The following LMO7 variants were observed in gnomAD, a reference collection of about 807,000 sequenced individuals.
LMO7 encodes LIM domain only protein 7.
A neutral mutation model predicts 206.5 loss-of-function variants in LMO7; 120 were observed. The ratio of observed to expected loss-of-function variants is 0.58; its 90% confidence interval spans 0.50 to 0.68. The LOEUF is 0.68. Among genes scored for constraint, LMO7 ranks in the 30% least tolerant of loss-of-function variants. The pLI is 0.00. For missense variants in LMO7, 1,959 were observed against 1,957.9 expected, an observed-to-expected ratio of 1.00 and a Z score of -0.01; for synonymous variants, 706 against 681.5, an observed-to-expected ratio of 1.04 and a Z score of -0.56.
At position 75,845,311 on chromosome 13, in the gene LMO7, G is replaced by C; in HGVS notation, c.4098-16G>C. On this transcript the variant is annotated splice_polypyrimidine_tract_variant and intron_variant, in intron 25 of 30. Transcript: ENST00000377534. Reference sequence around the variant, plus strand: ...TTTAATGAGACATATTTAATATATTGTGTTCTGTGTTTTAGGAATAAATCC... The same window carrying C: ...TTTAATGAGACATATTTAATATATTCTGTTCTGTGTTTTAGGAATAAATCC... 7.3e-7 allele frequency: 1 copy of C among 1,364,726 alleles called. No homozygotes were observed. The highest frequency in any genetic ancestry group is 1.2e-5 in the South Asian group (1 of 81,794). 84.5% of individuals were successfully genotyped at this position (1,364,726 alleles called of 1,614,324 possible).
In LMO7 at chr13:75,858,976, T is replaced by G. The variant is rs1052506457; in HGVS notation, c.*1033T>G. The stretch of plus-strand genomic sequence containing the variant: ...TTGTATGGTGAGAGTGATGAATTGT[T>G]GGATCATTTGAATAAAATCTTTTAC... On this transcript the variant is annotated 3_prime_UTR_variant, in exon 31 of 31. Transcript: ENST00000377534. 6.6e-6 allele frequency: 1 copy of G among 152,218 alleles called. No individual in the cohort carries two copies. Among genetic ancestry groups the G allele is most frequent in the Non-Finnish European group, 1.5e-5 (1 of 68,018 alleles). 9.4% of individuals were successfully genotyped at this position (152,218 alleles called of 1,614,324 possible).
intron 6 of LMO7, among the ~76,000 whole-genome samples, chr13:75,797,851 C>G (rs141407914): frequency 6.6e-6 from 1 of 151,722 alleles, no homozygotes; most frequent in East Asian, 1.9e-4. Context: ...TAAGTTAATT[C>G]AGGAAATAGC....
In LMO7 at chr13:75,636,549, G is replaced by C; in HGVS notation, c.-109G>C. The stretch of plus-strand genomic sequence containing the variant: ...GCCTTCGCAGCCGGAGCGGAAGCCG[G>C]AGTTGTGGGAGGCCCGCGTGCCCTC... On this transcript the variant is annotated 5_prime_UTR_variant, in exon 1 of 31. Coordinates refer to ENST00000377534, the MANE Select transcript of LMO7 (RefSeq NM_001306080.2). 1 of 1,526,764 alleles carries C rather than the reference G, an allele frequency of 6.5e-7. No homozygotes were observed. The allele number at this position is 1,526,764 out of a possible 1,614,324, so 94.6% of individuals were successfully genotyped here.
At chr13:75,852,600 T>G (rs916857584) in intron 27 of LMO7, among the ~76,000 whole-genome samples, 1 of 152,236 alleles carries the variant, frequency 6.6e-6, no homozygotes, top group Non-Finnish European at 1.5e-5. Context: ...TTACAGGTGG[T>G]TCTCAACTTT....
chr13:75,792,313 A>G (rs2053424983), intron 4 of LMO7, among the ~76,000 whole-genome samples: 1 of 152,126 alleles, frequency 6.6e-6, no homozygotes, highest in Non-Finnish European at 1.5e-5. Context: ...TTTCCTTCTA[A>G]TCTACTGAAA....
At chr13:75,655,637 T>TTATA (rs67966172) in intron 1 of LMO7, among the ~76,000 whole-genome samples, 252 of 134,424 alleles carry the variant, frequency 1.9e-3, no homozygotes, top group African/African-American at 2.7e-3. Flanking sequence ...TTCATGGATT[T>TTATA]TATATATATA....
intron 1 of LMO7, among the ~76,000 whole-genome samples, chr13:75,643,786 A>G (rs77175967): frequency 2.6e-5 from 4 of 152,320 alleles, no homozygotes; most frequent in Non-Finnish European, 5.9e-5. Flanking sequence ...AGCAAGTTCT[A>G]CTCTGGTGAA....
At chr13:75,782,752 A>G (rs1052601853) in intron 4 of LMO7, among the ~76,000 whole-genome samples, 4 of 152,194 alleles carry the variant, frequency 2.6e-5, no homozygotes, top group Admixed American at 2.0e-4. Context: ...TCCTGGCTGC[A>G]TCACTGCTCC....
upstream of LMO7, chr13:75,636,227 C>A: frequency 2.2e-6 from 2 of 913,580 alleles, no homozygotes; most frequent in Non-Finnish European, 2.6e-6. Flanking sequence ...AAGGGAGGGG[C>A]AGACGGAAGC....
chr13:75,777,809 C>T (rs1024509889), intron 4 of LMO7, among the ~76,000 whole-genome samples: 7 of 151,994 alleles, frequency 4.6e-5, no homozygotes, highest in African/African-American at 1.7e-4. Flanking sequence ...CGACGCCCGC[C>T]TAATTTTTTG....
chr13:75,718,147 C>T (rs1409779417), intron 2 of LMO7, among the ~76,000 whole-genome samples: 2 of 152,112 alleles, frequency 1.3e-5, no homozygotes, highest in Non-Finnish European at 2.9e-5. Flanking sequence ...TTCGTTTCAC[C>T]TGTGATGTAA....
At chr13:75,653,267 G>A (rs1400244466) in intron 1 of LMO7, among the ~76,000 whole-genome samples, 3 of 152,220 alleles carry the variant, frequency 2.0e-5, no homozygotes, top group African/African-American at 7.2e-5. Context: ...GAAAACTGAA[G>A]ATGAAATGGC....
chr13:75,819,092 C>T (rs534655949), intron 12 of LMO7, among the ~76,000 whole-genome samples: 64 of 152,292 alleles, frequency 4.2e-4, no homozygotes, highest in Non-Finnish European at 8.5e-4. Context: ...AGTTCCTGAT[C>T]TATCTAACTG....
intron 6 of LMO7, among the ~76,000 whole-genome samples, chr13:75,798,959 G>T (rs576840874): frequency 2.0e-5 from 3 of 152,350 alleles, no homozygotes; most frequent in Admixed American, 2.0e-4. Flanking sequence ...AAACCTGACA[G>T]ATCTAAACGC....
intron 15 of LMO7, among the ~76,000 whole-genome samples, chr13:75,826,676 A>C (rs1415877069): frequency 6.6e-6 from 1 of 152,146 alleles, no homozygotes; most frequent in East Asian, 1.9e-4. Context: ...TGAGGTAATC[A>C]ACAATCCGAA....
Position 75,805,585 on chromosome 13 carries a change from A to C in LMO7, c.1021A>C (p.Ile341Leu). The change falls in exon 9 of 31, where the codon ATA becomes CTA. Residue 341 changes from isoleucine (I) to leucine (L), a missense_variant. Coordinates refer to ENST00000377534, the MANE Select transcript of LMO7 (RefSeq NM_001306080.2). The part of the protein sequence containing the change: ...LEEEKAKTRS[I>L]PNIVKDDLYV... Reference sequence around the variant, plus strand: ...AGAGGAAAAAGCAAAGACAAGAAGCATACCCAACATTGTAAAGGATGATCT... The same window carrying C: ...AGAGGAAAAAGCAAAGACAAGAAGCCTACCCAACATTGTAAAGGATGATCT... The C allele has an allele frequency of 6.2e-7, 1 of 1,614,092 alleles. No homozygotes were observed. The highest frequency in any genetic ancestry group is 8.5e-7 in the Non-Finnish European group (1 of 1,179,904).
intron 3 of LMO7, among the ~76,000 whole-genome samples, chr13:75,747,180 G>A (rs1391564598): frequency 3.3e-5 from 5 of 152,102 alleles, no homozygotes; most frequent in Non-Finnish European, 7.4e-5. Context: ...CGTGAGTTGA[G>A]GGTGGTTTTA....
intron 20 of LMO7, chr13:75,839,881 A>G: frequency 2.0e-6 from 1 of 510,960 alleles, no homozygotes; most frequent in Non-Finnish European, 3.5e-6. Context: ...CCTTTTACTA[A>G]CTTTGAATTT....
At chr13:75,735,658 T>C (rs2045751831) in intron 3 of LMO7, among the ~76,000 whole-genome samples, 1 of 150,454 alleles carries the variant, frequency 6.6e-6, no homozygotes, top group Non-Finnish European at 1.5e-5. Flanking sequence ...TTTTTTTTAG[T>C]AGAGACAGGG....
Sources: gnomAD v4.1 joint callset for allele counts (sites outside exome capture counted in the v4.1 genomes callset) on GRCh38, gnomAD v4.1.1 for gene constraint, MANE v1.5 for transcripts, NCBI Gene and HGNC (gene_info 2026-07-23, HGNC 2026-07-21) for gene names.